The following PHF20L1 variants were observed in gnomAD, a reference collection of about 807,000 sequenced individuals.
The protein encoded by PHF20L1 is PHD finger protein 20 like 1.
In PHF20L1, 44 loss-of-function variants were observed where a neutral mutation model predicts 125.5. That is an observed-to-expected ratio of 0.35 (90% CI 0.28 to 0.45). The LOEUF is 0.45. PHF20L1 is among the 20% of genes least tolerant of loss of function. The pLI is 1.00. For missense variants in PHF20L1, 1,012 were observed against 1,217.2 expected (o/e 0.83, Z 2.51); for synonymous variants, 380 against 403.1 (o/e 0.94, Z 0.69).
chr8:132,824,052 C>T lies in PHF20L1; in HGVS notation c.1628C>T (p.Thr543Ile), dbSNP rs769377974. ...KKVKLEDKSS[T>I]AFGKRKEKDK... The stretch of plus-strand genomic sequence containing the variant: ...GTGAAATTGGAAGACAAAAGCTCAA[C>T]AGCATTTGGTATGAACAGAAAGTAA... The change falls in exon 13 of 21, where the codon ACA becomes ATA. Residue 543 changes from threonine to isoleucine, a missense_variant. Around this residue, in one of 7 missense-constraint regions of PHF20L1, gnomAD observed 320 missense variants for 293.8 expected, o/e 1.09. Transcript: ENST00000395386. The T allele has an allele frequency of 3.8e-6, 6 of 1,593,374 alleles. No individual in the cohort carries two copies. In the East Asian group the frequency reaches 1.3e-4, roughly 36 times the overall value.
intron 19 of PHF20L1, chr8:132,843,906 A>G (rs1838190475): frequency 1.0e-6 from 1 of 985,138 alleles, no homozygotes; most frequent in Non-Finnish European, 1.2e-6. Flanking sequence ...TATTTAGCGC[A>G]TTTTATTGAA....
At chr8:132,799,059 C>A in intron 5 of PHF20L1, 36 bp from the exon 6 acceptor site, 1 of 1,561,392 alleles carries the variant, frequency 6.4e-7, no homozygotes, top group South Asian at 1.1e-5. Context: ...TTGGTTTAGA[C>A]CTGCTAAAGT....
chr8:132,800,761 T>C (rs1424373357), intron 6 of PHF20L1, among the ~76,000 whole-genome samples: 1 of 151,616 alleles, frequency 6.6e-6, no homozygotes, highest in East Asian at 1.9e-4. Flanking sequence ...TGGTTAATAC[T>C]GGATAAACTT....
intron 16 of PHF20L1, 87 bp from the exon 17 acceptor site, chr8:132,837,625 C>A: frequency 9.8e-7 from 1 of 1,016,318 alleles, no homozygotes; most frequent in Non-Finnish European, 1.5e-6. Context: ...GCCAAGCCAG[C>A]CAATTCAAAG....
chr8:132,799,377 G>A (rs1368406378), intron 6 of PHF20L1: 5 of 431,110 alleles, frequency 1.2e-5, no homozygotes, highest in East Asian at 3.5e-5. Flanking sequence ...TGAGTCATGT[G>A]ATGGAAGCAG....
intron 14 of PHF20L1, among the ~76,000 whole-genome samples, chr8:132,829,796 C>A (rs1294576441): frequency 3.3e-5 from 5 of 152,066 alleles, no homozygotes; most frequent in Non-Finnish European, 5.9e-5. Context: ...TATTCTTGGG[C>A]AATTTGCTTC....
chr8:132,814,835 G>A lies in PHF20L1; in HGVS notation c.1129G>A (p.Val377Ile). ...ACCACTTTCCCCAGAATTAATACAA[G>A]TCGAGGATTTGACGCTTGTATCTCA... ...KSPLSPELIQ[V>I]EDLTLVSQLS... Residue 377 changes from valine (V) to isoleucine (I), a missense_variant, in exon 10 of 21, where the codon GTC becomes ATC. Coordinates refer to ENST00000395386, the MANE Select transcript of PHF20L1 (RefSeq NM_016018.5). 3 of 1,610,726 alleles carry A rather than the reference G, an allele frequency of 1.9e-6. No individual in the cohort carries two copies. Among genetic ancestry groups the A allele is most frequent in the Non-Finnish European group, 1.7e-6 (2 of 1,177,324 alleles).
intron 19 of PHF20L1, chr8:132,843,652 C>T: frequency 3.1e-6 from 3 of 975,052 alleles, no homozygotes; most frequent in Non-Finnish European, 3.6e-6. Context: ...GCAGTTTGTA[C>T]TTTTGAAACT....
At chr8:132,794,290 GTATT>G in intron 2 of PHF20L1, 116 bp from the exon 3 acceptor site, 6 of 584,784 alleles carry the variant, frequency 1.0e-5, no homozygotes, top group Non-Finnish European at 1.5e-5. Flanking sequence ...AAATATGGAC[GTATT>G]TATTGTTTTC....
intron 2 of PHF20L1, among the ~76,000 whole-genome samples, chr8:132,789,960 T>C (rs150858862): frequency 6.6e-6 from 1 of 152,338 alleles, no homozygotes; most frequent in African/African-American, 2.4e-5. Flanking sequence ...ATCATTGTTA[T>C]CGGCATCTTA....
chr8:132,829,191 A>ATTTTTTTT (rs1836509500), intron 14 of PHF20L1, among the ~76,000 whole-genome samples: 1 of 152,036 alleles, frequency 6.6e-6, no homozygotes, highest in African/African-American at 2.4e-5. Context: ...GATTTCTTTC[A>ATTTTTTTT]TTGTTTTTAC....
At chr8:132,788,422 A>C (rs920776057) in intron 2 of PHF20L1, among the ~76,000 whole-genome samples, 1 of 152,130 alleles carries the variant, frequency 6.6e-6, no homozygotes, top group African/African-American at 2.4e-5. Flanking sequence ...TATTCAAATA[A>C]TTAGTTAAAT....
intron 13 of PHF20L1, 45 bp from the exon 14 acceptor site, chr8:132,825,219 T>A: frequency 6.3e-7 from 1 of 1,589,916 alleles, no homozygotes; most frequent in Non-Finnish European, 8.6e-7. Context: ...AAGGAACAAC[T>A]CAGGATCAGT....
chr8:132,817,287 CTG>C (rs1835090492), intron 11 of PHF20L1, 50 bp from the exon 12 acceptor site: 1 of 1,445,342 alleles, frequency 6.9e-7, no homozygotes, highest in South Asian at 1.2e-5. Context: ...GTGATAGTAA[CTG>C]AGCCATTTTA....
At chr8:132,806,889 C>T (rs1302559326) in intron 8 of PHF20L1, 2 of 151,846 alleles carry the variant, frequency 1.3e-5, no homozygotes, top group African/African-American at 4.8e-5. Flanking sequence ...TTAAAGAGTT[C>T]TAACTTAAAT....
At chr8:132,798,105 G>T (rs1832628860) in intron 4 of PHF20L1, among the ~76,000 whole-genome samples, 1 of 152,024 alleles carries the variant, frequency 6.6e-6, no homozygotes, top group South Asian at 2.1e-4. Context: ...GAGTTTGTGG[G>T]AAAGACATGG....
intron 6 of PHF20L1, among the ~76,000 whole-genome samples, chr8:132,802,305 T>C (rs1833162875): frequency 6.6e-6 from 1 of 151,736 alleles, no homozygotes; most frequent in South Asian, 2.1e-4. Flanking sequence ...CTTTGTTTAA[T>C]GTTTTTCCTT....
At chr8:132,802,758 T>C (rs577666786) in intron 6 of PHF20L1, among the ~76,000 whole-genome samples, 2 of 152,020 alleles carry the variant, frequency 1.3e-5, no homozygotes, top group Admixed American at 1.3e-4. Context: ...TAAGGCAGTG[T>C]TAATCTACAT....
chr8:132,819,755 A>G (rs914440928), intron 12 of PHF20L1, among the ~76,000 whole-genome samples: 2 of 151,900 alleles, frequency 1.3e-5, no homozygotes, highest in Non-Finnish European at 2.9e-5. Context: ...CCATATTATA[A>G]AAGTAAATTT....
Sources: gnomAD v4.1 joint callset for allele counts (sites outside exome capture counted in the v4.1 genomes callset) on GRCh38, gnomAD v4.1.1 for gene constraint, gnomAD v4.1.1 regional missense constraint, MANE v1.5 for transcripts, NCBI Gene and HGNC (gene_info 2026-07-23, HGNC 2026-07-21) for gene names.